The following HERC3 variants were observed in gnomAD, a reference collection of about 807,000 sequenced individuals.
HERC3 encodes the protein HECT and RLD domain containing E3 ubiquitin protein ligase 3.
In HERC3, 58 loss-of-function variants were observed where a neutral mutation model predicts 129.9. That is an observed-to-expected ratio of 0.45 (90% confidence interval 0.36 to 0.56). HERC3 has a LOEUF of 0.56. Among genes scored for constraint, HERC3 ranks in the 20% least tolerant of loss-of-function variants. The pLI is 0.00. For missense variants in HERC3, 835 were observed against 1,244.2 expected (o/e 0.67, Z 4.95); for synonymous variants, 430 against 451.0 (o/e 0.95, Z 0.59).
intron 8 of HERC3, 129 bp from the exon 9 acceptor site, chr4:88,655,746 C>T (rs920173321): frequency 1.6e-5 from 13 of 823,734 alleles, no homozygotes; most frequent in Middle Eastern, 3.1e-4. Context: ...AGAAGAGTCA[C>T]GTGTTAACAT....
chr4:88,628,136 G>T (rs1043891055), intron 3 of HERC3, among the ~76,000 whole-genome samples: 9 of 152,200 alleles, frequency 5.9e-5, no homozygotes, highest in African/African-American at 2.2e-4. Context: ...ATTGATTACT[G>T]AGTGAGTAGT....
chr4:88,538,268 A>G, the HERC3 span, among the ~76,000 whole-genome samples: 1 of 152,074 alleles, frequency 6.6e-6, no homozygotes, highest in Non-Finnish European at 1.5e-5. Flanking sequence ...GTTGCTAAAG[A>G]CCTCTTTCAC....
the HERC3 span, among the ~76,000 whole-genome samples, chr4:88,558,691 C>T: frequency 4.6e-5 from 7 of 151,902 alleles, no homozygotes; most frequent in African/African-American, 1.7e-4. Flanking sequence ...AGGCCAGGCG[C>T]GGTGGCTCAC....
chr4:88,625,984 T>C (rs1726055954), intron 3 of HERC3, among the ~76,000 whole-genome samples: 1 of 152,210 alleles, frequency 6.6e-6, no homozygotes, highest in East Asian at 1.9e-4. Context: ...CTCTCATTCC[T>C]GGAATAAATC....
At chr4:88,645,272 T>G (rs1728569225) in intron 3 of HERC3, among the ~76,000 whole-genome samples, 2 of 152,146 alleles carry the variant, frequency 1.3e-5, no homozygotes, top group African/African-American at 4.8e-5. Context: ...ACTTAGAATG[T>G]GCAGAATGGT....
the HERC3 span, chr4:88,527,521 A>C: frequency 1.1e-5 from 2 of 177,120 alleles, no homozygotes; most frequent in Non-Finnish European, 2.3e-5. Flanking sequence ...TCAGCCTCCC[A>C]AAGTCCTGGG....
chr4:88,591,351 C>G (rs1721697683), upstream of HERC3, among the ~76,000 whole-genome samples: 1 of 152,186 alleles, frequency 6.6e-6, no homozygotes, highest in South Asian at 2.1e-4. Flanking sequence ...CACTGTCAGT[C>G]AGCCAACAAC....
chr4:88,533,367 C>A, the HERC3 span, among the ~76,000 whole-genome samples: 1 of 152,162 alleles, frequency 6.6e-6, no homozygotes, highest in African/African-American at 2.4e-5. Flanking sequence ...CTCACAGACA[C>A]ACCCAGGAAC....
At chr4:88,594,405 A>G (rs1017971172) in intron 1 of HERC3, among the ~76,000 whole-genome samples, 8 of 152,126 alleles carry the variant, frequency 5.3e-5, no homozygotes, top group Non-Finnish European at 1.2e-4. Context: ...AAGTTATGAC[A>G]ATATCTTTTC....
rs141289367 is a variant in HERC3 at position 88,662,538 on chromosome 4, C to T, written c.1254C>T (p.Asn418=). The stretch of plus-strand genomic sequence containing the variant: ...GGAGACAAAAACTCTCAGAACACAA[C>T]AATGCAAATACAATCAAGTATGTGG... ...AVWRQKLSEH[N]NANTINGVVQ... Residue 418 remains asparagine, a synonymous_variant, in exon 11 of 26, where the codon AAC becomes AAT. Coordinates refer to ENST00000402738, the MANE Select transcript of HERC3 (RefSeq NM_014606.3). The T allele has an allele frequency of 2.9e-5, 47 of 1,612,088 alleles. No individual in the cohort carries two copies. The African/African-American group carries it at 5.6e-4, about 19-fold the overall frequency.
chr4:88,617,884 GA>G (rs35899455), intron 3 of HERC3, among the ~76,000 whole-genome samples: 9 of 148,224 alleles, frequency 6.1e-5, no homozygotes, highest in Non-Finnish European at 7.5e-5. Context: ...GAAAAAAAAA[GA>G]AAAAAAAAAC....
chr4:88,590,975 C>T (rs147539589), upstream of HERC3, among the ~76,000 whole-genome samples: 8 of 151,720 alleles, frequency 5.3e-5, no homozygotes, highest in East Asian at 5.8e-4. Flanking sequence ...CTGCAACCTC[C>T]GCCTTCCAGG....
rs1735926831 is a variant in HERC3, at chr4:88,708,241, A to G, written c.*1281A>G. 1 of 152,636 alleles carries G rather than the reference A, an allele frequency of 6.6e-6. No individual in the cohort carries two copies. Among genetic ancestry groups the G allele is most frequent in the Non-Finnish European group, 1.5e-5 (1 of 68,030 alleles). The allele number at this position is 152,636 out of a possible 1,614,324, so 9.5% of individuals were successfully genotyped here. On this transcript the variant is annotated 3_prime_UTR_variant, in exon 26 of 26. Transcript: ENST00000402738. ...CCTCATCATGGAGTAAGAAAATTCTACATGATTAAAGAATCCATGTAAGTC... is the reference window on the plus strand; with the variant it reads ...CCTCATCATGGAGTAAGAAAATTCTGCATGATTAAAGAATCCATGTAAGTC...
the HERC3 span, chr4:88,527,864 C>A: frequency 4.3e-5 from 13 of 301,214 alleles, no homozygotes; most frequent in East Asian, 1.2e-3. Context: ...GAGGGCCTGA[C>A]GGACAGCATC....
intron 3 of HERC3, among the ~76,000 whole-genome samples, chr4:88,626,724 A>G (rs937699399): frequency 1.3e-5 from 2 of 152,160 alleles, no homozygotes; most frequent in Non-Finnish European, 2.9e-5. Flanking sequence ...ATTGTTTATA[A>G]TATTCCCTTA....
At chr4:88,697,249 T>C (rs1350226801) in intron 23 of HERC3, 3 of 1,555,528 alleles carry the variant, frequency 1.9e-6, no homozygotes, top group East Asian at 4.5e-5. Context: ...GGCATCGTCA[T>C]GTTTGGCCCC....
rs1199952354 is a variant in HERC3 at position 88,708,063 on chromosome 4, T to C, written c.*1103T>C. 1 of 152,438 alleles carries C rather than the reference T, an allele frequency of 6.6e-6. No individual in the cohort carries two copies. The highest frequency in any genetic ancestry group is 2.4e-5 in the African/African-American group (1 of 41,342). 9.4% of individuals were successfully genotyped at this position (152,438 alleles called of 1,614,324 possible). On this transcript the variant is annotated 3_prime_UTR_variant, in exon 26 of 26. Transcript: ENST00000402738. ...TTAAATTGCAAAATTTTTACTCAGA[T>C]TTTTTTTCCTCTTCCCTAATTGCTA...
intron 3 of HERC3, among the ~76,000 whole-genome samples, chr4:88,608,384 G>A (rs1456977772): frequency 6.6e-6 from 1 of 152,124 alleles, no homozygotes; most frequent in Admixed American, 6.5e-5. Flanking sequence ...TTAACCTGAG[G>A]ACCCTGAAAT....
the HERC3 span, among the ~76,000 whole-genome samples, chr4:88,555,794 GT>G: frequency 6.6e-6 from 1 of 152,128 alleles, no homozygotes; most frequent in Non-Finnish European, 1.5e-5. Context: ...TCTATTCTTG[GT>G]TAAGTTTGAT....
Sources: gnomAD v4.1 joint callset for allele counts (sites outside exome capture counted in the v4.1 genomes callset) on GRCh38, gnomAD v4.1.1 for gene constraint, MANE v1.5 for transcripts, NCBI Gene and HGNC (gene_info 2026-07-23, HGNC 2026-07-21) for gene names.